LRRC7: variants seen among roughly 807,000 people sequenced by gnomAD.
The protein encoded by LRRC7 is leucine rich repeat containing 7, also known as leucine-rich repeat-containing protein 7.
LRRC7 carries 23 observed loss-of-function variants against 175.7 expected under a neutral mutation model. The ratio of observed to expected loss-of-function variants is 0.13; its 90% CI spans 0.09 to 0.19. The LOEUF is 0.19. LRRC7 is among the 10% of genes least tolerant of loss of function. The probability of loss-of-function intolerance (pLI) is 1.00; values close to 1 mark genes in which losing one functional copy is unlikely to be tolerated. For missense variants in LRRC7, 1,354 were observed against 1,904.7 expected (o/e 0.71, Z 5.38); for synonymous variants, 685 against 680.9 (o/e 1.01, Z -0.09).
At chr1:69,727,070 G>A (rs12739558) in intron 2 of LRRC7, among the ~76,000 whole-genome samples, 5,118 of 152,296 alleles carry the variant, frequency 0.034, 103 homozygotes, top group African/African-American at 0.056. Flanking sequence ...TAGCACTGGA[G>A]CTGGGAAAGC....
intron 11 of LRRC7, among the ~76,000 whole-genome samples, chr1:70,001,616 T>A (rs1655529520): frequency 6.6e-6 from 1 of 152,228 alleles, no homozygotes; most frequent in Non-Finnish European, 1.5e-5. Flanking sequence ...ATTCTTATTC[T>A]GCACACGGAA....
chr1:69,782,872 T>C (rs751540933), intron 3 of LRRC7, among the ~76,000 whole-genome samples: 13 of 152,168 alleles, frequency 8.5e-5, no homozygotes, highest in Non-Finnish European at 1.9e-4. Context: ...CAAATGTGTG[T>C]ATTTGTGTGT....
chr1:70,059,474 AGTGTGTGTGTGTGTGTGT>A (rs10542055), intron 23 of LRRC7, among the ~76,000 whole-genome samples: 1 of 132,192 alleles, frequency 7.6e-6, no homozygotes, highest in Non-Finnish European at 1.6e-5. Flanking sequence ...ACTAGAAGAA[AGTGTGTGTGTGTGTGTGT>A]GTGTGTGTGT....
At chr1:69,883,441 A>G (rs1307012574) in intron 7 of LRRC7, among the ~76,000 whole-genome samples, 4 of 109,858 alleles carry the variant, frequency 3.6e-5, no homozygotes, top group South Asian at 2.7e-4. Context: ...CATGTCCTTC[A>G]CCCACTTTTT....
At chr1:70,046,653 A>G (rs1660352657) in intron 22 of LRRC7, among the ~76,000 whole-genome samples, 1 of 152,156 alleles carries the variant, frequency 6.6e-6, no homozygotes, top group South Asian at 2.1e-4. Context: ...CATCTGGGAC[A>G]GCTTTCCCAC....
At chr1:69,858,175 C>T (rs1215742552) in intron 7 of LRRC7, among the ~76,000 whole-genome samples, 2 of 152,134 alleles carry the variant, frequency 1.3e-5, no homozygotes, top group Non-Finnish European at 2.9e-5. Context: ...AAAACCTAGG[C>T]AATACTATTC....
chr1:69,658,452 A>G (rs1389285193), intron 1 of LRRC7, among the ~76,000 whole-genome samples: 1 of 152,008 alleles, frequency 6.6e-6, no homozygotes, highest in Non-Finnish European at 1.5e-5. Flanking sequence ...TGGCTAAAAA[A>G]TTAGGAAGTA....
intron 8 of LRRC7, among the ~76,000 whole-genome samples, chr1:69,979,621 G>A (rs1653207508): frequency 6.6e-6 from 1 of 151,974 alleles, no homozygotes; most frequent in Admixed American, 6.6e-5. Flanking sequence ...AGTACTGGTG[G>A]TTATATGGCA....
intron 8 of LRRC7, among the ~76,000 whole-genome samples, chr1:69,956,087 A>C (rs1650458805): frequency 6.6e-6 from 1 of 151,964 alleles, no homozygotes; most frequent in Non-Finnish European, 1.5e-5. Flanking sequence ...TGGAATGTGG[A>C]AACAATGACA....
At chr1:70,043,882 C>T (rs1660119822) in intron 21 of LRRC7, 72 bp from the exon 22 acceptor site, 1 of 1,480,872 alleles carries the variant, frequency 6.8e-7, no homozygotes, top group Admixed American at 2.0e-5. Context: ...TAAATTTAAA[C>T]ATGTTCATGT....
intron 7 of LRRC7, among the ~76,000 whole-genome samples, chr1:69,855,955 C>T (rs1376186103): frequency 1.3e-5 from 2 of 151,968 alleles, no homozygotes; most frequent in Non-Finnish European, 2.9e-5. Flanking sequence ...CAACCCCTGC[C>T]TTTTTTTGTT....
chr1:69,788,117 G>A (rs926577340), intron 3 of LRRC7, among the ~76,000 whole-genome samples: 7 of 151,944 alleles, frequency 4.6e-5, no homozygotes, highest in African/African-American at 1.7e-4. Context: ...ACTGGGGGTG[G>A]TCTCTAAGCC....
intron 2 of LRRC7, among the ~76,000 whole-genome samples, chr1:69,718,181 AAAAG>A (rs1170628233): frequency 1.0e-5 from 1 of 98,380 alleles, no homozygotes; most frequent in African/African-American, 5.0e-5. Context: ...AGAAGAAAAG[AAAAG>A]AAAGAGAGAG....
In LRRC7 at chr1:70,129,178, C is replaced by A. The variant is rs769719258; in HGVS notation, c.*7291C>A. On this transcript the variant is annotated 3_prime_UTR_variant, in exon 27 of 27. Transcript: ENST00000651989. ...AGGAGAATTGCTTCAACCCAGCAGG[C>A]GGAGGTTGCAGTGAGCTGAGATGGC... Among the ~76,000 whole-genome samples the A allele has an allele frequency of 6.7e-6, 1 of 150,318 alleles. No individual in the cohort carries two copies. The highest frequency in any genetic ancestry group is 1.5e-5 in the Non-Finnish European group (1 of 67,758).
At chr1:69,963,969 A>C (rs2101851089) in intron 8 of LRRC7, among the ~76,000 whole-genome samples, 1 of 152,330 alleles carries the variant, frequency 6.6e-6, no homozygotes, top group East Asian at 1.9e-4. Flanking sequence ...GTCTATCTTT[A>C]GTATCTGATC....
At chr1:69,796,729 G>A (rs1471173691) in intron 4 of LRRC7, among the ~76,000 whole-genome samples, 1 of 152,064 alleles carries the variant, frequency 6.6e-6, no homozygotes, top group African/African-American at 2.4e-5. Context: ...AGGAGGCGGA[G>A]GTTGCGGTGA....
At chr1:70,061,273 T>A (rs955563475) in intron 23 of LRRC7, among the ~76,000 whole-genome samples, 1 of 152,180 alleles carries the variant, frequency 6.6e-6, no homozygotes, top group Non-Finnish European at 1.5e-5. Flanking sequence ...CAGAGAGTCA[T>A]TCTCAATTCC....
intron 1 of LRRC7, among the ~76,000 whole-genome samples, chr1:69,625,129 T>C (rs1651274286): frequency 6.6e-6 from 1 of 151,992 alleles, no homozygotes; most frequent in African/African-American, 2.4e-5. Context: ...CAAGGAGTTT[T>C]CTTTGTGGGG....
At chr1:69,689,333 A>T (rs1286265066) in intron 2 of LRRC7, among the ~76,000 whole-genome samples, 1 of 152,114 alleles carries the variant, frequency 6.6e-6, no homozygotes, top group Non-Finnish European at 1.5e-5. Context: ...TGAGATATAA[A>T]CCTAAGTTTA....
Sources: allele counts gnomAD v4.1 joint callset (sites outside exome capture counted in the v4.1 genomes callset), GRCh38; gene constraint gnomAD v4.1.1; transcripts MANE v1.5; gene names NCBI Gene and HGNC (gene_info 2026-07-23, HGNC 2026-07-21).